NPAS3: variants seen among roughly 807,000 people sequenced by gnomAD.
NPAS3 encodes the protein neuronal PAS domain protein 3.
A neutral mutation model predicts 73.1 loss-of-function variants in NPAS3; 14 were observed. The observed-to-expected ratio is 0.19, with a 90% CI of 0.13 to 0.30. The LOEUF (loss-of-function observed/expected upper bound fraction) is 0.30. Ranked by LOEUF, NPAS3 falls within the 10% of genes least tolerant of loss-of-function variation. The pLI is 1.00. For missense variants in NPAS3, 1,096 were observed against 1,250.0 expected (o/e 0.88, Z 1.86); for synonymous variants, 620 against 541.5 (o/e 1.14, Z -2.01).
At chr14:33,730,416 AC>A (rs2061370676) in intron 6 of NPAS3, among the ~76,000 whole-genome samples, 1 of 152,216 alleles carries the variant, frequency 6.6e-6, no homozygotes, top group Non-Finnish European at 1.5e-5. Context: ...AGTAAAAAAA[AC>A]AGTCCCCAAA....
At chr14:32,941,349 T>TTCCTTCCTTCCC (rs2036008283) in intron 1 of NPAS3, among the ~76,000 whole-genome samples, 1 of 130,064 alleles carries the variant, frequency 7.7e-6, no homozygotes, top group Non-Finnish European at 1.6e-5. Context: ...CCTTCCTTCC[T>TTCCTTCCTTCCC]TCTTCCCAGT....
chr14:33,353,942 AGAGCTG>A (rs1285331972), intron 3 of NPAS3, among the ~76,000 whole-genome samples: 6 of 152,182 alleles, frequency 3.9e-5, no homozygotes, highest in Non-Finnish European at 8.8e-5. Context: ...AACATCTGGA[AGAGCTG>A]GAGGCTGAGA....
intron 1 of NPAS3, among the ~76,000 whole-genome samples, chr14:33,023,800 C>A (rs2039691500): frequency 6.6e-6 from 1 of 152,032 alleles, no homozygotes; most frequent in Admixed American, 6.6e-5. Context: ...GCTTATTGTG[C>A]ATGTATTTAC....
chr14:33,433,960 G>C (rs1426839287), intron 4 of NPAS3, among the ~76,000 whole-genome samples: 1 of 152,176 alleles, frequency 6.6e-6, no homozygotes, highest in Non-Finnish European at 1.5e-5. Context: ...GGAGGCCGAG[G>C]TGGGCGGATC....
chr14:33,306,577 T>A (rs1410746015), intron 3 of NPAS3, among the ~76,000 whole-genome samples: 2 of 152,200 alleles, frequency 1.3e-5, no homozygotes, highest in Admixed American at 6.5e-5. Flanking sequence ...CCACCCAGCA[T>A]GTCCTGAAGA....
At chr14:33,027,565 A>T (rs539285935) in intron 1 of NPAS3, among the ~76,000 whole-genome samples, 1 of 152,212 alleles carries the variant, frequency 6.6e-6, no homozygotes, top group East Asian at 1.9e-4. Flanking sequence ...CCCAGCTTCC[A>T]CTTAATTTTG....
intron 4 of NPAS3, among the ~76,000 whole-genome samples, chr14:33,464,019 G>A (rs1003866744): frequency 3.3e-5 from 5 of 152,110 alleles, no homozygotes; most frequent in Admixed American, 6.5e-5. Flanking sequence ...GAGTGTGCCC[G>A]CCTCCTCAAG....
chr14:33,437,952 A>G (rs960960266), intron 4 of NPAS3, among the ~76,000 whole-genome samples: 1 of 152,202 alleles, frequency 6.6e-6, no homozygotes, highest in African/African-American at 2.4e-5. Flanking sequence ...GTCTGTTTAT[A>G]GTTGTTAAAG....
chr14:33,317,667 G>A (rs945839370), intron 3 of NPAS3, among the ~76,000 whole-genome samples: 19 of 152,132 alleles, frequency 1.2e-4, no homozygotes, highest in East Asian at 3.9e-4. Context: ...TCCTGCCACT[G>A]TGTGAAGAAG....
At chr14:33,487,662 A>G (rs932837464) in intron 4 of NPAS3, among the ~76,000 whole-genome samples, 2 of 152,306 alleles carry the variant, frequency 1.3e-5, no homozygotes, top group East Asian at 1.9e-4. Flanking sequence ...AAAACAGCTT[A>G]CCCATAAGCA....
intron 4 of NPAS3, among the ~76,000 whole-genome samples, chr14:33,392,859 T>C (rs1609495): frequency 0.3 from 45,350 of 151,942 alleles, 7,099 homozygotes; most frequent in Non-Finnish European, 0.34. Context: ...CTATCCCATG[T>C]CTTCCCATTC....
At chr14:33,708,547 G>A (rs777056934) in intron 6 of NPAS3, among the ~76,000 whole-genome samples, 23 of 152,260 alleles carry the variant, frequency 1.5e-4, no homozygotes, top group South Asian at 6.2e-4. Flanking sequence ...TTAATTGTGG[G>A]GAGCCCAGGG....
Position 33,800,611 on chromosome 14 carries a change from C to T in NPAS3, c.2304C>T (p.Gly768=). The stretch of plus-strand genomic sequence containing the variant: ...CCGGGAACGGCGGCGGGGGCGGGGG[C>T]GGGGGCGGCGGCGCGGGGGGCGGCG... The change falls in exon 12 of 12, where the codon GGC becomes GGT. Residue 768 remains glycine (G), a synonymous_variant. Transcript: ENST00000356141. The surrounding 1 kb of genome is among the most constrained non-coding windows in gnomAD (Gnocchi z 6.5). 7.5e-7 allele frequency: 1 copy of T among 1,331,882 alleles called. No homozygotes were observed. The highest frequency in any genetic ancestry group is 9.5e-7 in the Non-Finnish European group (1 of 1,049,474). The allele number at this position is 1,331,882 out of a possible 1,614,324, so 82.5% of individuals were successfully genotyped here.
At chr14:33,247,815 G>A (rs1288771474) in intron 3 of NPAS3, among the ~76,000 whole-genome samples, 1 of 152,104 alleles carries the variant, frequency 6.6e-6, no homozygotes, top group Non-Finnish European at 1.5e-5. Context: ...ATCATCCTTA[G>A]TAGTGAAGTG....
intron 4 of NPAS3, among the ~76,000 whole-genome samples, chr14:33,392,126 A>T (rs1369924227): frequency 6.6e-6 from 1 of 152,216 alleles, no homozygotes; most frequent in African/African-American, 2.4e-5. Context: ...GGATTATCTC[A>T]GTAGTTAAAG....
chr14:33,193,209 T>G lies in NPAS3; in HGVS notation c.141-21973T>G, dbSNP rs1272559927. On this transcript the variant is annotated intron_variant, in intron 2 of 11. Transcript: ENST00000356141. ...TTTGAAGTGTCTTAGTTTTTTTTTTTTTTTTAGGCTTAACATTTTATTTAT... is the reference window on the plus strand; with the variant it reads ...TTTGAAGTGTCTTAGTTTTTTTTTTGTTTTTAGGCTTAACATTTTATTTAT... Among the ~76,000 whole-genome samples the G allele has an allele frequency of 1.6e-4, 24 of 152,038 alleles. 1 individual carries two copies. Among genetic ancestry groups the G allele is most frequent in the Admixed American group, 1.6e-3 (24 of 15,258 alleles).
At chr14:33,038,540 C>CACAT (rs113039590) in intron 1 of NPAS3, among the ~76,000 whole-genome samples, 1 of 144,696 alleles carries the variant, frequency 6.9e-6, no homozygotes, top group African/African-American at 2.6e-5. Context: ...CATATATACA[C>CACAT]ATATATATAT....
upstream of NPAS3, among the ~76,000 whole-genome samples, chr14:32,938,282 C>T (rs180714886): frequency 4.1e-4 from 62 of 152,158 alleles, no homozygotes; most frequent in African/African-American, 1.5e-3. Flanking sequence ...TCCGCTGCCC[C>T]CAAGGAGCTC....
intron 5 of NPAS3, among the ~76,000 whole-genome samples, chr14:33,638,020 A>C (rs2058572252): frequency 6.6e-6 from 1 of 152,174 alleles, no homozygotes; most frequent in Non-Finnish European, 1.5e-5. Flanking sequence ...GGATTATTTG[A>C]AAGGAGCATG....
Sources: gnomAD v4.1 joint callset for allele counts (sites outside exome capture counted in the v4.1 genomes callset) on GRCh38, gnomAD v4.1.1 for gene constraint, Gnocchi (gnomAD v3.1) non-coding constraint, MANE v1.5 for transcripts, NCBI Gene and HGNC (gene_info 2026-07-23, HGNC 2026-07-21) for gene names.